Variants in BTBD8 observed in about 807,000 individuals in gnomAD.
BTBD8 encodes BTB/POZ domain-containing protein 8.
A neutral mutation model predicts 162.9 loss-of-function variants in BTBD8; 110 were observed. The ratio of observed to expected loss-of-function variants is 0.68; its 90% CI spans 0.58 to 0.79. BTBD8 has a LOEUF of 0.79. BTBD8 is among the 30% of genes least tolerant of loss of function. The pLI is 0.00. For synonymous variants in BTBD8, 667 were observed against 716.1 expected, an observed-to-expected ratio of 0.93 and a Z score of 1.10; for missense variants, 1,905 against 2,085.4, an observed-to-expected ratio of 0.91 and a Z score of 1.68.
intron 7 of BTBD8, among the ~76,000 whole-genome samples, chr1:92,145,345 A>G (rs1229890025): frequency 6.6e-6 from 1 of 152,174 alleles, no homozygotes; most frequent in Non-Finnish European, 1.5e-5. Flanking sequence ...ATTCATAAAT[A>G]AAGAGTTGGA....
At chr1:92,128,023 T>G (rs1166194626) in intron 4 of BTBD8, among the ~76,000 whole-genome samples, 1 of 152,192 alleles carries the variant, frequency 6.6e-6, no homozygotes, top group Non-Finnish European at 1.5e-5. Context: ...TCTAGCAAAC[T>G]TTTTAAAAAG....
At position 92,177,885 on chromosome 1, in the gene BTBD8, A is replaced by G; in HGVS notation, c.2428A>G (p.Asn810Asp). 2 of 1,516,452 alleles carry G rather than the reference A, an allele frequency of 1.3e-6. No homozygotes were observed. The highest frequency in any genetic ancestry group is 9.0e-7 in the Non-Finnish European group (1 of 1,115,624). 93.9% of individuals were successfully genotyped at this position (1,516,452 alleles called of 1,614,324 possible). ...AAAAAGTATTCATGAACAAGACACT[A>G]ATGTAAATAACAGGTAGGTCTTCAT... ...NKKSIHEQDT[N>D]VNNSVLKKVS... Residue 810 changes from asparagine (N) to aspartate (D), a missense_variant, in exon 15 of 18, where the codon AAT becomes GAT. By Grantham distance (23) the Asn-to-Asp change is conservative. Coordinates refer to ENST00000636805, the MANE Select transcript of BTBD8 (RefSeq NM_001376131.1).
At chr1:92,125,429 C>T (rs773879522) in intron 4 of BTBD8, 1 of 295,486 alleles carries the variant, frequency 3.4e-6, no homozygotes, top group Non-Finnish European at 6.6e-6. Flanking sequence ...TACTGCTCAA[C>T]CCGAGGGACT....
rs1469951266 is a variant in BTBD8 at position 92,178,440 on chromosome 1, C to A, written c.2570C>A (p.Thr857Asn). Residue 857 changes from threonine to asparagine, a missense_variant, in exon 16 of 18, where the codon ACT (threonine) becomes AAT (asparagine). Transcript: ENST00000636805. The stretch of plus-strand genomic sequence containing the variant: ...ACAAAGAGTACCCCATCTAATCTTA[C>A]TAAAACTCAAGGTAAAGCTGAAATA... ...QRTKSTPSNL[T>N]KTQGSQGESP... 2 of 1,547,784 alleles carry A rather than the reference C, an allele frequency of 1.3e-6. No homozygotes were observed. Among genetic ancestry groups the A allele is most frequent in the Admixed American group, 2.0e-5 (1 of 50,188 alleles).
intron 4 of BTBD8, among the ~76,000 whole-genome samples, chr1:92,118,150 T>C (rs1649094689): frequency 6.6e-6 from 1 of 151,988 alleles, no homozygotes; most frequent in Non-Finnish European, 1.5e-5. Flanking sequence ...CTAAAGTCTG[T>C]AGTATATTCA....
rs533008094 is a variant in BTBD8, at chr1:92,094,261, G to A, written c.347+5366G>A. ...TGAGATTAGATTGTCTCACTGATGT[G>A]CACATCTCCATTGGTGCCTCATGTA... is the stretch of plus-strand genomic sequence containing the variant. On this transcript the variant is annotated intron_variant, in intron 2 of 17. Coordinates refer to ENST00000636805, the MANE Select transcript of BTBD8 (RefSeq NM_001376131.1). Among the ~76,000 whole-genome samples the A allele has an allele frequency of 1.7e-4, 26 of 152,294 alleles. No homozygotes were observed. The South Asian group carries it at 5.4e-3, about 32-fold the overall frequency.
At chr1:92,147,308 G>C (rs761091904) in intron 8 of BTBD8, 40 bp downstream of exon 8, 42 of 1,523,324 alleles carry the variant, frequency 2.8e-5, no homozygotes, top group Non-Finnish European at 3.6e-5. Context: ...TTAATTTAGG[G>C]ATTTTGTTTT....
intron 9 of BTBD8, among the ~76,000 whole-genome samples, chr1:92,164,706 G>A (rs1401797394): frequency 6.8e-6 from 1 of 147,482 alleles, no homozygotes; most frequent in Non-Finnish European, 1.5e-5. Flanking sequence ...CTGTCCCCCA[G>A]GCTGGAGTGC....
chr1:92,159,537 T>C (rs10875237), intron 9 of BTBD8, among the ~76,000 whole-genome samples: 113,418 of 152,140 alleles, frequency 0.75, 43,395 homozygotes, highest in East Asian at 0.97. Flanking sequence ...TGCTTTTTAA[T>C]GTACTTTTGT....
intron 1 of BTBD8, among the ~76,000 whole-genome samples, chr1:92,081,418 A>C (rs1030553719): frequency 1.3e-5 from 2 of 152,244 alleles, no homozygotes; most frequent in African/African-American, 4.8e-5. Flanking sequence ...GCTAATTTAC[A>C]TTTCCAGCAA....
At chr1:92,080,760 A>G (rs1471207400) in intron 1 of BTBD8, 40 bp downstream of exon 1, 7 of 1,582,208 alleles carry the variant, frequency 4.4e-6, no homozygotes, top group Admixed American at 3.8e-5. Context: ...CAGTTCCTAA[A>G]TCGCCCACCT....
At chr1:92,086,948 T>G (rs1414768106) in intron 1 of BTBD8, among the ~76,000 whole-genome samples, 1 of 152,106 alleles carries the variant, frequency 6.6e-6, no homozygotes, top group Non-Finnish European at 1.5e-5. Flanking sequence ...CTAAGATAGG[T>G]GAATACAGTA....
chr1:92,174,573 G>C (rs1333720165), intron 13 of BTBD8, among the ~76,000 whole-genome samples: 1 of 152,094 alleles, frequency 6.6e-6, no homozygotes, highest in Non-Finnish European at 1.5e-5. Context: ...AGGGTGGGAA[G>C]GAGTTCTAAA....
intron 5 of BTBD8, among the ~76,000 whole-genome samples, chr1:92,131,398 C>T (rs1266838220): frequency 6.6e-6 from 1 of 152,072 alleles, no homozygotes; most frequent in Non-Finnish European, 1.5e-5. Context: ...TATTTGTTTT[C>T]ATTTATTATT....
intron 2 of BTBD8, 139 bp downstream of exon 2, chr1:92,089,034 G>A: frequency 1.3e-6 from 1 of 793,834 alleles, no homozygotes. Flanking sequence ...AATTATCTTA[G>A]TAATTAGTGT....
intron 9 of BTBD8, among the ~76,000 whole-genome samples, chr1:92,153,132 T>C (rs1650085793): frequency 6.6e-6 from 1 of 152,154 alleles, no homozygotes; most frequent in Non-Finnish European, 1.5e-5. Context: ...AATAGTGTTT[T>C]TTTTAAATAG....
chr1:92,156,403 G>T (rs565992837), intron 9 of BTBD8, among the ~76,000 whole-genome samples: 3 of 152,232 alleles, frequency 2.0e-5, no homozygotes, highest in African/African-American at 7.2e-5. Context: ...GTATTCTTAT[G>T]TGGCTTTGGT....
intron 6 of BTBD8, 103 bp from the exon 7 acceptor site, chr1:92,141,012 T>A: frequency 8.8e-7 from 1 of 1,131,602 alleles, no homozygotes; most frequent in Non-Finnish European, 1.2e-6. Flanking sequence ...ATATTTCAGA[T>A]TATTCTTTTT....
chr1:92,166,087 A>G (rs1021161887), intron 9 of BTBD8, among the ~76,000 whole-genome samples: 1 of 152,096 alleles, frequency 6.6e-6, no homozygotes, highest in African/African-American at 2.4e-5. Context: ...TTGTCATTCC[A>G]TTTTCCATAG....
Sources: gnomAD v4.1 joint callset for allele counts (sites outside exome capture counted in the v4.1 genomes callset) on GRCh38, gnomAD v4.1.1 for gene constraint, MANE v1.5 for transcripts, NCBI Gene and HGNC (gene_info 2026-07-23, HGNC 2026-07-21) for gene names.